Variants in RASAL2 observed in about 807,000 individuals in gnomAD.
The protein encoded by RASAL2 is RAS protein activator like 2.
In RASAL2, 58 loss-of-function variants were observed where a neutral mutation model predicts 128.9. That is an observed-to-expected ratio of 0.45 (90% CI 0.36 to 0.56). The LOEUF is 0.56. RASAL2 is among the 20% of genes least tolerant of loss of function. The pLI is 0.00. For synonymous variants in RASAL2, 561 were observed against 580.8 expected (o/e 0.97, Z 0.49); for missense variants, 1,360 against 1,601.6 (o/e 0.85, Z 2.57).
At chr1:178,380,259 A>G (rs1672209392) in intron 3 of RASAL2, among the ~76,000 whole-genome samples, 1 of 152,212 alleles carries the variant, frequency 6.6e-6, no homozygotes, top group Non-Finnish European at 1.5e-5. Flanking sequence ...CTAATTTCCC[A>G]TGAGGCTTAT....
In RASAL2 at chr1:178,378,167, T is replaced by G. The variant is rs143565560; in HGVS notation, c.458-11933T>G. Among the ~76,000 whole-genome samples, 11 of 147,898 alleles carry G rather than the reference T, an allele frequency of 7.4e-5. No individual in the cohort carries two copies. In the East Asian group the frequency reaches 2.2e-3, roughly 29 times the overall value. ...TTTTTTTAATGCTATGAATGAGAGATCTAAAACACAGGGACCTAGGAAAGT... is the reference window on the plus strand; with the variant it reads ...TTTTTTTAATGCTATGAATGAGAGAGCTAAAACACAGGGACCTAGGAAAGT... On this transcript the variant is annotated intron_variant, in intron 3 of 17. Coordinates refer to ENST00000367649, the MANE Select transcript of RASAL2 (RefSeq NM_170692.4).
chr1:178,203,129 G>T (rs1662930353), intron 1 of RASAL2, among the ~76,000 whole-genome samples: 1 of 152,302 alleles, frequency 6.6e-6, no homozygotes, highest in East Asian at 1.9e-4. Flanking sequence ...CTGGATAGGG[G>T]CTTGCCTATC....
intron 2 of RASAL2, among the ~76,000 whole-genome samples, chr1:178,297,622 A>C (rs1437924166): frequency 1.3e-5 from 2 of 151,636 alleles, no homozygotes; most frequent in African/African-American, 4.8e-5. Flanking sequence ...AAAAAAAAAA[A>C]AAAAAACTTA....
At chr1:178,379,592 A>G (rs1399479979) in intron 3 of RASAL2, among the ~76,000 whole-genome samples, 15 of 152,214 alleles carry the variant, frequency 9.9e-5, no homozygotes, top group Admixed American at 9.8e-4. Context: ...TTTTCATAGC[A>G]AGTGAATAAA....
chr1:178,129,244 C>G (rs1355983062), intron 1 of RASAL2, among the ~76,000 whole-genome samples: 1 of 152,110 alleles, frequency 6.6e-6, no homozygotes, highest in Non-Finnish European at 1.5e-5. Context: ...TCCTCCCCAA[C>G]ACTTATTTTT....
chr1:178,416,785 A>G (rs558929567), intron 4 of RASAL2, among the ~76,000 whole-genome samples: 30 of 152,136 alleles, frequency 2.0e-4, no homozygotes, highest in Middle Eastern at 3.4e-3. Flanking sequence ...CAACACTTTA[A>G]TATTTCACTC....
intron 13 of RASAL2, 149 bp from the exon 14 acceptor site, chr1:178,457,534 A>T: frequency 1.2e-6 from 1 of 833,268 alleles, no homozygotes. Context: ...GCATTGTAAT[A>T]ATTCCCTAAT....
intron 1 of RASAL2, among the ~76,000 whole-genome samples, chr1:178,189,215 T>A (rs1445761455): frequency 1.3e-5 from 2 of 152,186 alleles, no homozygotes; most frequent in Non-Finnish European, 2.9e-5. Context: ...TAATTACAGT[T>A]CTTATATTCC....
At position 178,273,041 on chromosome 1, in the gene RASAL2, G is replaced by C. The variant is rs1666330730; in HGVS notation, c.203-10523G>C. Reference sequence around the variant, plus strand: ...AAAAGAACCCTGCACGTGTATTGTGGCCAAAAACATAAGTGCCACACAAAT... The same window carrying C: ...AAAAGAACCCTGCACGTGTATTGTGCCCAAAAACATAAGTGCCACACAAAT... On this transcript the variant is annotated intron_variant, in intron 1 of 17. Transcript: ENST00000367649. Among the ~76,000 whole-genome samples the C allele has an allele frequency of 3.3e-5, 5 of 152,096 alleles. No homozygotes were observed. The South Asian group carries it at 1.0e-3, about 32-fold the overall frequency.
At chr1:178,406,096 A>C (rs1213735160) in intron 4 of RASAL2, among the ~76,000 whole-genome samples, 2 of 152,174 alleles carry the variant, frequency 1.3e-5, no homozygotes, top group African/African-American at 4.8e-5. Flanking sequence ...ATTTCCAACC[A>C]AGCTTTTAAC....
intron 3 of RASAL2, among the ~76,000 whole-genome samples, chr1:178,339,506 C>T (rs992433581): frequency 2.6e-5 from 4 of 152,048 alleles, no homozygotes; most frequent in Non-Finnish European, 4.4e-5. Flanking sequence ...AGAAAGTGGC[C>T]GAAATTCATG....
intron 3 of RASAL2, among the ~76,000 whole-genome samples, chr1:178,351,512 A>T (rs1023296197): frequency 1.3e-5 from 2 of 152,150 alleles, no homozygotes; most frequent in Non-Finnish European, 2.9e-5. Context: ...TGGGCGGATC[A>T]CGAGGTCAGG....
At chr1:178,129,930 G>A (rs893460692) in intron 1 of RASAL2, among the ~76,000 whole-genome samples, 21 of 151,902 alleles carry the variant, frequency 1.4e-4, no homozygotes, top group African/African-American at 4.1e-4. Context: ...TTTGACACTA[G>A]TACATTAAAT....
rs12239856 is a variant in RASAL2, at chr1:178,141,446, G to T, written c.202+46752G>T. On this transcript the variant is annotated intron_variant, in intron 1 of 17. Coordinates refer to ENST00000367649, the MANE Select transcript of RASAL2 (RefSeq NM_170692.4). ...ACCTGATTGGCCAGATGTGAGCTGA[G>T]TTACAAAAGTCCTGTGTTTAAAGGT... 6.1e-4 allele frequency among the ~76,000 whole-genome samples: 93 copies of T among 151,932 alleles called. 1 individual carries two copies. Among genetic ancestry groups the T allele is most frequent in the Non-Finnish European group, 1.9e-4 (13 of 67,996 alleles).
chr1:178,451,076 A>T (rs1489986606), intron 9 of RASAL2, among the ~76,000 whole-genome samples: 2 of 152,166 alleles, frequency 1.3e-5, no homozygotes, highest in South Asian at 2.1e-4. Context: ...ATGTTGAATG[A>T]CTGTCTCCGT....
At chr1:178,318,236 G>C (rs1431551965) in intron 3 of RASAL2, among the ~76,000 whole-genome samples, 16 of 148,922 alleles carry the variant, frequency 1.1e-4, no homozygotes, top group Non-Finnish European at 1.8e-4. Flanking sequence ...TTTGGAATAG[G>C]TGTGGTGTGG....
At chr1:178,112,931 AAAAG>A (rs1301267862) in intron 1 of RASAL2, among the ~76,000 whole-genome samples, 1 of 151,958 alleles carries the variant, frequency 6.6e-6, no homozygotes, top group Non-Finnish European at 1.5e-5. Context: ...AAAAAGAAAA[AAAAG>A]AAATCATGGT....
rs573195368 is a variant in RASAL2, at chr1:178,225,158, C to T, written c.203-58406C>T. On this transcript the variant is annotated intron_variant, in intron 1 of 17. Transcript: ENST00000367649. ...ACTTAGTGAAGTTGGTCTGTGATGA[C>T]TTGTCTAGTTCTCTGTTCTATAATT... Among the ~76,000 whole-genome samples the T allele has an allele frequency of 2.8e-4, 42 of 152,010 alleles. 1 individual carries two copies. Among genetic ancestry groups the T allele is most frequent in the African/African-American group, 1.0e-3 (42 of 41,526 alleles).
rs112400340 is a variant in RASAL2 at position 178,305,757 on chromosome 1, A to G, written c.457+5639A>G. Among the ~76,000 whole-genome samples the G allele has an allele frequency of 4.1e-3, 631 of 152,310 alleles. 3 individuals are homozygous for G. Among genetic ancestry groups the G allele is most frequent in the African/African-American group, 0.014 (575 of 41,554 alleles). ...AAAGGGGAAGGTACAGACTACAGAT[A>G]CAAATTGCAAGCCTTTGGCAAATAG... On this transcript the variant is annotated intron_variant, in intron 3 of 17. Transcript: ENST00000367649.
Sources: gnomAD v4.1 joint callset for allele counts (sites outside exome capture counted in the v4.1 genomes callset) on GRCh38, gnomAD v4.1.1 for gene constraint, MANE v1.5 for transcripts, NCBI Gene and HGNC (gene_info 2026-07-23, HGNC 2026-07-21) for gene names.